SCN10A: variants seen among roughly 807,000 people sequenced by gnomAD.
SCN10A encodes the protein sodium voltage-gated channel alpha subunit 10.
SCN10A carries 162 observed loss-of-function variants against 170.7 expected under a neutral mutation model. The observed-to-expected ratio is 0.95, with a 90% CI of 0.84 to 1.08. The LOEUF (loss-of-function observed/expected upper bound fraction) is 1.08, where lower values mean the gene tolerates loss of function less well. Among genes scored for constraint, SCN10A ranks in the 50% least tolerant of loss-of-function variants. The pLI is 0.00. For missense variants in SCN10A, 2,527 were observed against 2,436.9 expected (o/e 1.04, Z -0.78); for synonymous variants, 985 against 904.6 (o/e 1.09, Z -1.59).
At chr3:38,755,648 A>G (rs1173480362) in intron 11 of SCN10A, 140 bp downstream of exon 11, 10 of 903,440 alleles carry the variant, frequency 1.1e-5, no homozygotes, top group Non-Finnish European at 1.4e-5. Flanking sequence ...TTAAGACACC[A>G]TTTTGGAGGG....
At chr3:38,798,616 A>C (rs969394444) in intron 1 of SCN10A, among the ~76,000 whole-genome samples, 5 of 152,042 alleles carry the variant, frequency 3.3e-5, no homozygotes, top group Non-Finnish European at 7.4e-5. Context: ...AGAAATATCT[A>C]TTCTAGTTTA....
intron 4 of SCN10A, among the ~76,000 whole-genome samples, chr3:38,772,169 C>G (rs1054608021): frequency 1.3e-5 from 2 of 152,058 alleles, no homozygotes; most frequent in African/African-American, 2.4e-5. Context: ...CAACTCCCCT[C>G]CCTATTCACT....
chr3:38,767,428 T>C (rs2063944569), intron 5 of SCN10A, among the ~76,000 whole-genome samples: 1 of 152,048 alleles, frequency 6.6e-6, no homozygotes, highest in African/African-American at 2.4e-5. Flanking sequence ...GAGGTTTTGA[T>C]AAGTTGTGTG....
At chr3:38,814,432 C>T (rs1278918534) in intron 1 of SCN10A, among the ~76,000 whole-genome samples, 1 of 152,106 alleles carries the variant, frequency 6.6e-6, no homozygotes, top group Non-Finnish European at 1.5e-5. Flanking sequence ...GTCTTAAGAG[C>T]CTTCTTGACT....
At position 38,697,963 on chromosome 3, in the gene SCN10A, G is replaced by A. The variant is rs755570717; in HGVS notation, c.5257C>T (p.Pro1753Ser). Residue 1753 changes from proline (P) to serine (S), a missense_variant, in exon 28 of 28, where the codon CCA (proline) becomes TCA (serine). Transcript: ENST00000449082. ...AAGGTAATAAACTGAGTGGCCTCTG[G>A]GTCAAACTTCTCCCAGGTCTCATAG... ...MFYETWEKFD[P>S]EATQFITFSA... The A allele has an allele frequency of 1.9e-6, 3 of 1,614,110 alleles. No individual in the cohort carries two copies. The South Asian group carries it at 3.3e-5, about 18-fold the overall frequency.
intron 1 of SCN10A, among the ~76,000 whole-genome samples, chr3:38,796,037 A>T (rs150502376): frequency 6.6e-6 from 1 of 152,194 alleles, no homozygotes; most frequent in East Asian, 1.9e-4. Context: ...CAGATGACTG[A>T]GTCTTTATCT....
chr3:38,756,800 C>T lies in SCN10A; in HGVS notation c.1164G>A (p.Leu388=). 2 of 1,614,136 alleles carry T rather than the reference C, an allele frequency of 1.2e-6. No individual in the cohort carries two copies. The highest frequency in any genetic ancestry group is 1.7e-6 in the Non-Finnish European group (2 of 1,180,024). The change falls in exon 10 of 28, where the codon CTG becomes CTA. Residue 388 remains leucine (L), a synonymous_variant. Transcript: ENST00000449082. ...TGACTACAGCCAAGATCAAGTTGAC[C>T]AGGTAGAAAGATCCCAGGAAGATTA... is the stretch of plus-strand genomic sequence containing the variant. ...VLVIFLGSFY[L]VNLILAVVTM...
intron 2 of SCN10A, among the ~76,000 whole-genome samples, chr3:38,792,526 T>TC (rs2064296044): frequency 6.6e-6 from 1 of 152,188 alleles, no homozygotes; most frequent in African/African-American, 2.4e-5. Flanking sequence ...TAATTTCTCT[T>TC]CTGACAAGAG....
intron 16 of SCN10A, among the ~76,000 whole-genome samples, 185 bp from the exon 17 acceptor site, chr3:38,727,237 C>T (rs1342474778): frequency 2.0e-5 from 3 of 152,198 alleles, no homozygotes; most frequent in African/African-American, 7.2e-5. Context: ...TGGGGATGTC[C>T]TGGAGTGACC....
At chr3:38,785,405 G>A (rs1575177187) in intron 4 of SCN10A, among the ~76,000 whole-genome samples, 1 of 152,142 alleles carries the variant, frequency 6.6e-6, no homozygotes, top group Admixed American at 6.5e-5. Context: ...TTAATAAATG[G>A]TGTGGGGAAA....
At chr3:38,762,482 G>T (rs997130336) in intron 6 of SCN10A, among the ~76,000 whole-genome samples, 22 of 152,136 alleles carry the variant, frequency 1.4e-4, no homozygotes, top group African/African-American at 5.1e-4. Context: ...GGATATCCCA[G>T]AAGAAGGGGC....
At chr3:38,765,368 C>T (rs1167792601) in intron 5 of SCN10A, among the ~76,000 whole-genome samples, 1 of 152,094 alleles carries the variant, frequency 6.6e-6, no homozygotes, top group Non-Finnish European at 1.5e-5. Context: ...GCCTTTTATC[C>T]ATCTTGAATT....
chr3:38,807,627 G>A (rs947057119), intron 1 of SCN10A, among the ~76,000 whole-genome samples: 2 of 152,038 alleles, frequency 1.3e-5, no homozygotes, highest in Non-Finnish European at 2.9e-5. Context: ...TTCTGTCCTA[G>A]TCCTCTTTTA....
intron 20 of SCN10A, among the ~76,000 whole-genome samples, chr3:38,721,311 C>G (rs768950086): frequency 1.3e-5 from 2 of 151,994 alleles, no homozygotes; most frequent in South Asian, 2.1e-4. Flanking sequence ...AGTCCTAGCC[C>G]TTCAACTAAT....
chr3:38,712,293 G>T lies in SCN10A; in HGVS notation c.3957C>A (p.Ser1319=). Residue 1319 remains serine, a synonymous_variant, in exon 23 of 28, where the codon TCC becomes TCA. Transcript: ENST00000449082. The stretch of plus-strand genomic sequence containing the variant: ...TATTCACAATCGACAAAGGTACAAG[G>T]GAAAACTCTCCATCGGTATAGTTGA... ...RCINYTDGEF[S]LVPLSIVNNK... 6.2e-7 allele frequency: 1 copy of T among 1,614,168 alleles called. No homozygotes were observed. The highest frequency in any genetic ancestry group is 1.7e-5 in the Admixed American group (1 of 60,032).
chr3:38,698,021 A>G lies in SCN10A; in HGVS notation c.5199T>C (p.Thr1733=), dbSNP rs113721356. Residue 1733 remains threonine (T), a synonymous_variant, in exon 28 of 28, where the codon ACT becomes ACC. Transcript: ENST00000449082. ...CAAAGTCGTCCTCACTCAGGGGCTC[A>G]GTGCTCTCCTCCGTGGCCACATTGA... The part of the protein sequence containing the change: ...ENFNVATEES[T]EPLSEDDFDM... The G allele has an allele frequency of 1.4e-5, 23 of 1,614,214 alleles. No homozygotes were observed. The African/African-American group carries it at 1.6e-4, about 11-fold the overall frequency.
At chr3:38,715,439 T>A (rs1041763544) in intron 21 of SCN10A, among the ~76,000 whole-genome samples, 2 of 152,322 alleles carry the variant, frequency 1.3e-5, no homozygotes, top group Admixed American at 1.3e-4. Flanking sequence ...TGGTACTTTA[T>A]CACCCTCAGG....
intron 11 of SCN10A, 76 bp from the exon 12 acceptor site, chr3:38,752,588 A>G (rs1307316029): frequency 8.2e-7 from 1 of 1,219,284 alleles, no homozygotes; most frequent in African/African-American, 1.5e-5. Flanking sequence ...ACTTCCCTCT[A>G]CCTACTCCCA....
At position 38,739,252 on chromosome 3, in the gene SCN10A, A is replaced by G. The variant is rs73826310; in HGVS notation, c.2280+263T>C. On this transcript the variant is annotated intron_variant, in intron 15 of 27. Coordinates refer to ENST00000449082, the MANE Select transcript of SCN10A (RefSeq NM_006514.4). Reference sequence around the variant, plus strand: ...TTATTGCTGTTATTGTTATTTGATAAGAGACGAGGACAGTGCTTGGAAGTC... The same window carrying G: ...TTATTGCTGTTATTGTTATTTGATAGGAGACGAGGACAGTGCTTGGAAGTC... Among the ~76,000 whole-genome samples, 9,153 of 152,224 alleles carry G rather than the reference A, an allele frequency of 0.06. 416 individuals carry two copies. The highest frequency in any genetic ancestry group is 0.19 in the East Asian group (1,002 of 5,176).
Sources: gnomAD v4.1 joint callset for allele counts (sites outside exome capture counted in the v4.1 genomes callset) on GRCh38, gnomAD v4.1.1 for gene constraint, MANE v1.5 for transcripts, NCBI Gene and HGNC (gene_info 2026-07-23, HGNC 2026-07-21) for gene names.